Variants in ACVR2A observed in about 807,000 individuals in gnomAD.
The protein encoded by ACVR2A is activin receptor type-2A.
ACVR2A carries 7 observed loss-of-function variants against 61.4 expected under a neutral mutation model. The observed-to-expected ratio is 0.11, with a 90% CI of 0.06 to 0.21. The LOEUF is 0.21. ACVR2A is among the 10% of genes least tolerant of loss of function. The pLI is 1.00. For missense variants in ACVR2A, 322 were observed against 621.7 expected, an observed-to-expected ratio of 0.52 and a Z score of 5.13; for synonymous variants, 193 against 208.3, an observed-to-expected ratio of 0.93 and a Z score of 0.63.
intron 4 of ACVR2A, among the ~76,000 whole-genome samples, chr2:147,910,919 CATGGTGTATT>C (rs1687096376): frequency 6.6e-6 from 1 of 152,076 alleles, no homozygotes; most frequent in Non-Finnish European, 1.5e-5. Flanking sequence ...AGTTTCTTGC[CATGGTGTATT>C]ATGGTGCACG....
In ACVR2A at chr2:147,862,994, T is replaced by C. The variant is rs189973184; in HGVS notation, c.55+17787T>C. 3.1e-3 allele frequency among the ~76,000 whole-genome samples: 466 copies of C among 152,296 alleles called. 6 individuals carry two copies. Among genetic ancestry groups the C allele is most frequent in the African/African-American group, 0.011 (442 of 41,558 alleles). Reference sequence around the variant, plus strand: ...GTGCTATTAAGTTTTCATGATAATGTGCCTGACTAGCCCTACAAGGTAATT... The same window carrying C: ...GTGCTATTAAGTTTTCATGATAATGCGCCTGACTAGCCCTACAAGGTAATT... On this transcript the variant is annotated intron_variant, in intron 1 of 10. Transcript: ENST00000241416.
intron 2 of ACVR2A, among the ~76,000 whole-genome samples, chr2:147,897,800 A>T (rs1686776526): frequency 6.6e-6 from 1 of 152,174 alleles, no homozygotes; most frequent in Admixed American, 6.5e-5. Flanking sequence ...TAAGTATGTG[A>T]ATTTTCCAGG....
chr2:147,916,991 T>G (rs1309453759), intron 5 of ACVR2A, among the ~76,000 whole-genome samples: 1 of 151,888 alleles, frequency 6.6e-6, no homozygotes, highest in Non-Finnish European at 1.5e-5. Flanking sequence ...TTGCAGTAAC[T>G]TACGTGTTGC....
At chr2:147,911,076 C>T (rs1419717398) in intron 4 of ACVR2A, among the ~76,000 whole-genome samples, 1 of 152,088 alleles carries the variant, frequency 6.6e-6, no homozygotes, top group African/African-American at 2.4e-5. Flanking sequence ...AAACTGATTT[C>T]TAGCTATATA....
At chr2:147,856,292 C>T (rs1027115454) in intron 1 of ACVR2A, among the ~76,000 whole-genome samples, 9 of 152,070 alleles carry the variant, frequency 5.9e-5, no homozygotes, top group African/African-American at 1.7e-4. Context: ...ACAGGTAAAA[C>T]CAGAAGAGAT....
At chr2:147,889,294 T>C (rs1237004284) in intron 1 of ACVR2A, among the ~76,000 whole-genome samples, 1 of 152,200 alleles carries the variant, frequency 6.6e-6, no homozygotes, top group African/African-American at 2.4e-5. Context: ...GTTTTTGATA[T>C]CGAGATGATA....
intron 1 of ACVR2A, among the ~76,000 whole-genome samples, chr2:147,860,400 A>G (rs1286117167): frequency 6.6e-6 from 1 of 152,086 alleles, no homozygotes; most frequent in Non-Finnish European, 1.5e-5. Context: ...TTGTGTTACA[A>G]GCAGAAGTCT....
intron 5 of ACVR2A, among the ~76,000 whole-genome samples, chr2:147,915,665 T>C (rs1687231955): frequency 6.6e-6 from 1 of 151,950 alleles, no homozygotes; most frequent in African/African-American, 2.4e-5. Context: ...CCCTACGTTG[T>C]CAGAGAAAGC....
intron 1 of ACVR2A, chr2:147,877,418 C>T (rs1057422130): frequency 1.3e-5 from 2 of 152,040 alleles, no homozygotes; most frequent in South Asian, 2.1e-4. Context: ...AAAACATAAG[C>T]AAGGTGCTTG....
At chr2:147,872,418 C>T (rs1408725964) in intron 1 of ACVR2A, among the ~76,000 whole-genome samples, 1 of 151,704 alleles carries the variant, frequency 6.6e-6, no homozygotes, top group African/African-American at 2.4e-5. Flanking sequence ...TGCCCCTTTT[C>T]AGTCTGGCAG....
At chr2:147,899,663 CA>C in intron 3 of ACVR2A, 80 bp from the exon 4 acceptor site, 1 of 1,587,412 alleles carries the variant, frequency 6.3e-7, no homozygotes, top group Non-Finnish European at 8.6e-7. Context: ...ACCTCTTCCC[CA>C]AAATTTGAGA....
intron 1 of ACVR2A, among the ~76,000 whole-genome samples, chr2:147,881,535 CTAGT>C (rs1558801161): frequency 6.8e-6 from 1 of 146,724 alleles, no homozygotes; most frequent in Non-Finnish European, 1.5e-5. Context: ...TAATGGATGT[CTAGT>C]TATTTAGTAA....
chr2:147,905,120 C>T (rs1686958152), intron 4 of ACVR2A, among the ~76,000 whole-genome samples: 2 of 151,982 alleles, frequency 1.3e-5, no homozygotes, highest in Admixed American at 6.6e-5. Context: ...CCTCTTTTCC[C>T]TTTCTCTGTC....
chr2:147,853,489 T>A (rs1156362250), intron 1 of ACVR2A, among the ~76,000 whole-genome samples: 1 of 152,122 alleles, frequency 6.6e-6, no homozygotes, highest in Non-Finnish European at 1.5e-5. Flanking sequence ...GAATTTGGTA[T>A]ATGGTATTCA....
At chr2:147,889,295 C>T (rs919264904) in intron 1 of ACVR2A, among the ~76,000 whole-genome samples, 3 of 151,978 alleles carry the variant, frequency 2.0e-5, no homozygotes, top group South Asian at 4.1e-4. Context: ...TTTTTGATAT[C>T]GAGATGATAC....
At chr2:147,846,710 C>T (rs147271703) in intron 1 of ACVR2A, among the ~76,000 whole-genome samples, 84 of 152,236 alleles carry the variant, frequency 5.5e-4, no homozygotes, top group Middle Eastern at 3.4e-3. Flanking sequence ...GAATGAAGGC[C>T]TTGATAACAT....
chr2:147,876,394 C>T (rs1231352784), intron 1 of ACVR2A, among the ~76,000 whole-genome samples: 3 of 151,774 alleles, frequency 2.0e-5, no homozygotes, highest in African/African-American at 7.3e-5. Context: ...TTTAATAAAA[C>T]CCATTTTCTT....
chr2:147,848,749 A>C (rs1269842575), intron 1 of ACVR2A, among the ~76,000 whole-genome samples: 1 of 152,124 alleles, frequency 6.6e-6, no homozygotes, highest in Non-Finnish European at 1.5e-5. Flanking sequence ...CTGCACAGCA[A>C]ACCCCATTAT....
chr2:147,888,156 A>T (rs1286387039), intron 1 of ACVR2A, among the ~76,000 whole-genome samples: 1 of 152,058 alleles, frequency 6.6e-6, no homozygotes. Context: ...TCTGGGTCCT[A>T]TATCTTTTTC....
Sources: gnomAD v4.1 joint callset for allele counts (sites outside exome capture counted in the v4.1 genomes callset) on GRCh38, gnomAD v4.1.1 for gene constraint, MANE v1.5 for transcripts, NCBI Gene and HGNC (gene_info 2026-07-23, HGNC 2026-07-21) for gene names.